The following USP13 variants were observed in gnomAD, a reference collection of about 807,000 sequenced individuals.
USP13 encodes the protein ubiquitin specific peptidase 13.
USP13 carries 68 observed loss-of-function variants against 107.8 expected under a neutral mutation model. That is an observed-to-expected ratio of 0.63 (90% CI 0.52 to 0.77). USP13 has a LOEUF of 0.77. Ranked by LOEUF, USP13 falls within the 30% of genes least tolerant of loss-of-function variation. The pLI is 0.00. For synonymous variants in USP13, 377 were observed against 389.5 expected, an observed-to-expected ratio of 0.97 and a Z score of 0.38; for missense variants, 945 against 1,093.3, an observed-to-expected ratio of 0.86 and a Z score of 1.91.
chr3:179,729,979 A>G (rs1445252338), intron 8 of USP13, among the ~76,000 whole-genome samples: 3 of 152,262 alleles, frequency 2.0e-5, no homozygotes, highest in African/African-American at 7.2e-5. Flanking sequence ...CTAACTTACA[A>G]CGAGGGTTGA....
intron 17 of USP13, 56 bp from the exon 18 acceptor site, chr3:179,763,946 A>G (rs748156686): frequency 3.9e-5 from 58 of 1,469,766 alleles, no homozygotes; most frequent in Non-Finnish European, 5.2e-5. Context: ...GTGTTGTTTC[A>G]GGACAAAAAA....
At chr3:179,689,378 G>T (rs1267552431) in intron 2 of USP13, among the ~76,000 whole-genome samples, 1 of 152,036 alleles carries the variant, frequency 6.6e-6, no homozygotes, top group Non-Finnish European at 1.5e-5. Flanking sequence ...ACGATGCTGG[G>T]TGGGGTGCGG....
chr3:179,693,742 C>T (rs1243137563), intron 3 of USP13, among the ~76,000 whole-genome samples: 5 of 152,030 alleles, frequency 3.3e-5, no homozygotes, highest in African/African-American at 9.7e-5. Context: ...GGTGTGATGT[C>T]GGCTCACTGC....
At chr3:179,750,452 A>C (rs770291871) in intron 13 of USP13, among the ~76,000 whole-genome samples, 1 of 151,416 alleles carries the variant, frequency 6.6e-6, no homozygotes, top group Non-Finnish European at 1.5e-5. Flanking sequence ...CAGAAGATAG[A>C]AAAACCTAAT....
intron 8 of USP13, among the ~76,000 whole-genome samples, chr3:179,727,104 T>G (rs1442539437): frequency 6.6e-6 from 1 of 151,812 alleles, no homozygotes. Context: ...CAGAAAACGG[T>G]AGCTGTCACT....
Position 179,742,117 on chromosome 3 carries a change from G to A in USP13, c.1381-80G>A, listed in dbSNP as rs956250998. On this transcript the variant is annotated intron_variant, in intron 11 of 20. Transcript: ENST00000263966. This position sits in a 1 kb window ranked among gnomAD's most constrained non-coding sequence, Gnocchi z 5.0. ...TTTAATAAAGCCAAGTGTTTACACC[G>A]GGTTTAGAGTTCATTTTCTACTAAG... is the stretch of plus-strand genomic sequence containing the variant. The A allele has an allele frequency of 1.1e-5, 17 of 1,559,372 alleles. No individual in the cohort carries two copies. The Middle Eastern group carries it at 5.2e-4, about 47-fold the overall frequency.
intron 3 of USP13, among the ~76,000 whole-genome samples, chr3:179,694,574 G>T (rs899725813): frequency 6.6e-6 from 1 of 152,046 alleles, no homozygotes; most frequent in African/African-American, 2.4e-5. Flanking sequence ...AGGCCAAGGT[G>T]GGTGGATCAC....
At chr3:179,685,785 A>T (rs1711851650) in intron 2 of USP13, among the ~76,000 whole-genome samples, 1 of 151,942 alleles carries the variant, frequency 6.6e-6, no homozygotes, top group Non-Finnish European at 1.5e-5. Flanking sequence ...CTCTGACCAA[A>T]ATTTCTACTC....
intron 19 of USP13, among the ~76,000 whole-genome samples, chr3:179,776,628 C>T (rs1342558972): frequency 6.6e-6 from 1 of 152,062 alleles, no homozygotes; most frequent in East Asian, 1.9e-4. Flanking sequence ...GGACACTGTC[C>T]ACTAGATGTG....
chr3:179,702,276 C>T (rs1160227307), intron 4 of USP13, among the ~76,000 whole-genome samples: 1 of 152,204 alleles, frequency 6.6e-6, no homozygotes, highest in Non-Finnish European at 1.5e-5. Context: ...GCCTCGGCCT[C>T]CCAAAGTGCT....
chr3:179,653,263 G>T lies in USP13; in HGVS notation c.38G>T (p.Gly13Val). ...RRGALFGMPG[G>V]SGGRKMAAGD... The stretch of plus-strand genomic sequence containing the variant: ...GGCGCCCTGTTCGGCATGCCGGGCG[G>T]CAGCGGAGGCAGGAAGATGGCTGCA... The change falls in exon 1 of 21, where the codon GGC becomes GTC. Residue 13 changes from glycine (G) to valine (V), a missense_variant. Physicochemically the swap from Gly to Val is moderately radical, Grantham distance 109 (BLOSUM62 -3). Coordinates refer to ENST00000263966, the MANE Select transcript of USP13 (RefSeq NM_003940.3). The surrounding 1 kb of genome is among the most constrained non-coding windows in gnomAD (Gnocchi z 4.0). 1 of 1,562,310 alleles carries T rather than the reference G, an allele frequency of 6.4e-7. No individual in the cohort carries two copies. The highest frequency in any genetic ancestry group is 8.7e-7 in the Non-Finnish European group (1 of 1,154,068).
intron 8 of USP13, among the ~76,000 whole-genome samples, chr3:179,727,558 G>A (rs1713573384): frequency 8.5e-6 from 1 of 117,314 alleles, no homozygotes; most frequent in African/African-American, 3.0e-5. Context: ...AGTCTCCCAC[G>A]TCTACCTCTT....
chr3:179,743,572 C>T (rs545143070), intron 12 of USP13, among the ~76,000 whole-genome samples: 10 of 151,882 alleles, frequency 6.6e-5, no homozygotes, highest in Non-Finnish European at 1.3e-4. Flanking sequence ...TTTCAAAATC[C>T]TTTTGGTGTA....
chr3:179,747,911 T>C (rs1714465610), intron 13 of USP13, among the ~76,000 whole-genome samples: 2 of 152,224 alleles, frequency 1.3e-5, no homozygotes, highest in African/African-American at 4.8e-5. Flanking sequence ...CCTTTTTGTC[T>C]GCATACACAC....
intron 15 of USP13, among the ~76,000 whole-genome samples, chr3:179,755,950 A>G (rs1714776346): frequency 6.6e-6 from 1 of 152,196 alleles, no homozygotes; most frequent in Non-Finnish European, 1.5e-5. Context: ...CAAATGCTAA[A>G]TTATAGAGAA....
intron 8 of USP13, among the ~76,000 whole-genome samples, chr3:179,727,167 T>TG (rs1713553350): frequency 7.8e-6 from 1 of 127,984 alleles, no homozygotes; most frequent in Admixed American, 8.0e-5. Context: ...TTTAATGTTT[T>TG]TTTTTTTTTT....
intron 15 of USP13, 71 bp downstream of exon 15, chr3:179,754,925 A>G: frequency 1.3e-6 from 2 of 1,495,284 alleles, no homozygotes; most frequent in Admixed American, 4.4e-5. Flanking sequence ...TCTTTCTTCC[A>G]CCACTGTGTT....
At chr3:179,740,096 C>G in intron 10 of USP13, 151 bp from the exon 11 acceptor site, 1 of 1,063,510 alleles carries the variant, frequency 9.4e-7, no homozygotes, top group Non-Finnish European at 1.4e-6. Context: ...AAACACCCAG[C>G]GAGTATTGGC....
At chr3:179,765,347 G>T (rs1715138845) in intron 18 of USP13, among the ~76,000 whole-genome samples, 1 of 152,196 alleles carries the variant, frequency 6.6e-6, no homozygotes, top group Non-Finnish European at 1.5e-5. Context: ...AGAAAGAGCT[G>T]CACTTAAACA....
Sources: allele counts gnomAD v4.1 joint callset (sites outside exome capture counted in the v4.1 genomes callset), GRCh38; gene constraint gnomAD v4.1.1; non-coding constraint Gnocchi (gnomAD v3.1); transcripts MANE v1.5; gene names NCBI Gene and HGNC (gene_info 2026-07-23, HGNC 2026-07-21).